ZNF407: variants seen among roughly 807,000 people sequenced by gnomAD.
ZNF407 encodes the protein zinc finger protein 407.
A neutral mutation model predicts 131.2 loss-of-function variants in ZNF407; 17 were observed. That is an observed-to-expected ratio of 0.13 (90% CI 0.09 to 0.19). The LOEUF is 0.19. Ranked by LOEUF, ZNF407 falls within the 10% of genes least tolerant of loss-of-function variation. ZNF407 has a pLI of 1.00. For synonymous variants in ZNF407, 1,156 were observed against 1,062.0 expected (o/e 1.09, Z -1.72); for missense variants, 2,681 against 2,830.6 (o/e 0.95, Z 1.20).
intron 4 of ZNF407, among the ~76,000 whole-genome samples, chr18:74,863,417 G>T (rs1279225593): frequency 6.6e-6 from 1 of 151,864 alleles, no homozygotes; most frequent in Non-Finnish European, 1.5e-5. Context: ...TATTCCATGA[G>T]GTGTTTGTCA....
chr18:74,611,913 T>C (rs1983074382), intron 1 of ZNF407, among the ~76,000 whole-genome samples: 1 of 152,162 alleles, frequency 6.6e-6, no homozygotes, highest in African/African-American at 2.4e-5. Context: ...GAGAAACTCA[T>C]GCGCATGAGT....
intron 3 of ZNF407, among the ~76,000 whole-genome samples, chr18:74,733,635 G>A (rs1037442356): frequency 6.6e-6 from 1 of 152,168 alleles, no homozygotes; most frequent in African/African-American, 2.4e-5. Context: ...GCACTAAGCA[G>A]TGATCCTTAG....
At chr18:75,034,572 G>A (rs1973285231) in intron 8 of ZNF407, among the ~76,000 whole-genome samples, 1 of 151,238 alleles carries the variant, frequency 6.6e-6, no homozygotes, top group South Asian at 2.1e-4. Context: ...AAAGTGCTGG[G>A]ATTACAGGCG....
At chr18:74,794,930 AG>A (rs1969891854) in intron 4 of ZNF407, among the ~76,000 whole-genome samples, 1 of 152,132 alleles carries the variant, frequency 6.6e-6, no homozygotes, top group Admixed American at 6.5e-5. Context: ...TTTTGATGAA[AG>A]AGAATGTATA....
intron 3 of ZNF407, among the ~76,000 whole-genome samples, chr18:74,716,665 C>A (rs1359466766): frequency 6.6e-6 from 1 of 152,064 alleles, no homozygotes; most frequent in Non-Finnish European, 1.5e-5. Flanking sequence ...ACACAAATTT[C>A]TGAAGTTAAA....
At chr18:74,754,039 A>G (rs907506036) in intron 3 of ZNF407, among the ~76,000 whole-genome samples, 1 of 152,140 alleles carries the variant, frequency 6.6e-6, no homozygotes, top group African/African-American at 2.4e-5. Flanking sequence ...TTACTGGTCT[A>G]TTCAGGGATT....
intron 3 of ZNF407, among the ~76,000 whole-genome samples, chr18:74,774,500 A>T (rs1170260544): frequency 6.6e-6 from 1 of 152,202 alleles, no homozygotes; most frequent in Non-Finnish European, 1.5e-5. Context: ...TGGAATGTGA[A>T]CCTGACGTTA....
chr18:74,744,708 TC>T (rs1194112820), intron 3 of ZNF407, among the ~76,000 whole-genome samples: 1 of 151,978 alleles, frequency 6.6e-6, no homozygotes, highest in African/African-American at 2.4e-5. Context: ...TGGAAACAAC[TC>T]AAATGTTCAT....
chr18:74,871,958 T>C (rs1971093155), intron 4 of ZNF407, among the ~76,000 whole-genome samples: 1 of 151,710 alleles, frequency 6.6e-6, no homozygotes, highest in South Asian at 2.1e-4. Flanking sequence ...CAACCTCTGC[T>C]TCCTGGGTTC....
At chr18:75,036,112 C>A (rs549919226) in intron 8 of ZNF407, among the ~76,000 whole-genome samples, 3 of 152,308 alleles carry the variant, frequency 2.0e-5, no homozygotes, top group Admixed American at 1.3e-4. Context: ...TCATTGTAGT[C>A]ATCCTTCACT....
chr18:74,858,207 T>G (rs1465257945), intron 4 of ZNF407, among the ~76,000 whole-genome samples: 1 of 143,770 alleles, frequency 7.0e-6, no homozygotes, highest in Non-Finnish European at 1.5e-5. Context: ...CCTTCCTGCC[T>G]GCCTTCCTCA....
chr18:74,737,315 A>G (rs1968440811), intron 3 of ZNF407, among the ~76,000 whole-genome samples: 1 of 152,214 alleles, frequency 6.6e-6, no homozygotes, highest in Non-Finnish European at 1.5e-5. Flanking sequence ...ACTGTTGGGG[A>G]AAATAAATTC....
rs993895601 is a variant in ZNF407 at position 74,698,707 on chromosome 18, A to G, written c.4802+57585A>G. On this transcript the variant is annotated intron_variant, in intron 3 of 8. Coordinates refer to ENST00000299687, the MANE Select transcript of ZNF407 (RefSeq NM_017757.3). Reference sequence around the variant, plus strand: ...GAACATATGATTTTAGTAGAGAAAGATGTAAACTGAGAATTGTAGCATAGT... The same window carrying G: ...GAACATATGATTTTAGTAGAGAAAGGTGTAAACTGAGAATTGTAGCATAGT... Among the ~76,000 whole-genome samples the G allele has an allele frequency of 1.1e-4, 17 of 152,310 alleles. 1 individual carries two copies. Among genetic ancestry groups the G allele is most frequent in the Middle Eastern group, 6.8e-3 (2 of 294 alleles).
intron 7 of ZNF407, among the ~76,000 whole-genome samples, chr18:74,914,164 G>C (rs188258185): frequency 6.6e-6 from 1 of 152,190 alleles, no homozygotes; most frequent in African/African-American, 2.4e-5. Flanking sequence ...GAAGCTTGGC[G>C]CTGGGGAATC....
intron 3 of ZNF407, among the ~76,000 whole-genome samples, chr18:74,725,843 G>T (rs1014945734): frequency 6.6e-6 from 1 of 152,144 alleles, no homozygotes; most frequent in Non-Finnish European, 1.5e-5. Flanking sequence ...GTTAAAACAC[G>T]ATAGTCACAC....
intron 3 of ZNF407, among the ~76,000 whole-genome samples, chr18:74,714,272 A>G (rs1310654273): frequency 6.6e-6 from 1 of 152,260 alleles, no homozygotes; most frequent in Non-Finnish European, 1.5e-5. Context: ...GTCACTTCTT[A>G]TAAGTCTGTG....
intron 3 of ZNF407, among the ~76,000 whole-genome samples, chr18:74,709,436 C>T (rs528964202): frequency 1.3e-5 from 2 of 152,286 alleles, no homozygotes; most frequent in East Asian, 3.9e-4. Context: ...TCTGTAATAT[C>T]TGATTACTTT....
intron 1 of ZNF407, among the ~76,000 whole-genome samples, chr18:74,610,101 T>A (rs1982989628): frequency 6.6e-6 from 1 of 152,182 alleles, no homozygotes; most frequent in Non-Finnish European, 1.5e-5. Context: ...ACAAGTCTCT[T>A]TTTGTTTTCC....
intron 3 of ZNF407, among the ~76,000 whole-genome samples, chr18:74,722,553 C>T (rs890332650): frequency 3.9e-5 from 6 of 152,080 alleles, no homozygotes; most frequent in Admixed American, 2.0e-4. Flanking sequence ...ATTTCTTCCT[C>T]CCTTCCTCAC....
Sources: gnomAD v4.1 joint callset for allele counts (sites outside exome capture counted in the v4.1 genomes callset) on GRCh38, gnomAD v4.1.1 for gene constraint, MANE v1.5 for transcripts, NCBI Gene and HGNC (gene_info 2026-07-23, HGNC 2026-07-21) for gene names.